THSD7B: variants seen among roughly 807,000 people sequenced by gnomAD.
THSD7B encodes the protein thrombospondin type 1 domain containing 7B.
Under a neutral mutation model 213.6 loss-of-function variants are expected in THSD7B, and 138 were observed. That is an observed-to-expected ratio of 0.65 (90% CI 0.56 to 0.74). The LOEUF (loss-of-function observed/expected upper bound fraction) is 0.74, where lower values mean the gene tolerates loss of function less well. Ranked by LOEUF, THSD7B falls within the 30% of genes least tolerant of loss-of-function variation. THSD7B has a pLI of 0.00. For synonymous variants in THSD7B, 742 were observed against 687.0 expected (o/e 1.08, Z -1.25); for missense variants, 1,931 against 1,991.5 (o/e 0.97, Z 0.58).
At chr2:137,575,441 A>G (rs926706490) in intron 17 of THSD7B, among the ~76,000 whole-genome samples, 2 of 152,078 alleles carry the variant, frequency 1.3e-5, no homozygotes, top group African/African-American at 4.8e-5. Context: ...AACATGACTT[A>G]TATCTAATTT....
In THSD7B at chr2:137,519,269, A is replaced by C. The variant is rs570766692; in HGVS notation, c.3139-43952A>C. On this transcript the variant is annotated intron_variant, in intron 15 of 27. Coordinates refer to ENST00000409968, the MANE Select transcript of THSD7B (RefSeq NM_001316349.2). ...CCATCTCAAAATAAATAAATAAATAAATAAATAGAAAAAGGAAAAGGCCAT... is the reference window on the plus strand; with the variant it reads ...CCATCTCAAAATAAATAAATAAATACATAAATAGAAAAAGGAAAAGGCCAT... Among the ~76,000 whole-genome samples the C allele has an allele frequency of 2.6e-5, 4 of 152,166 alleles. No individual in the cohort carries two copies. In the East Asian group the frequency reaches 7.7e-4, roughly 29 times the overall value.
chr2:137,618,522 T>G lies in THSD7B; in HGVS notation c.3681+15T>G. ...AATGTGAGCAGGTACTGTGTTTATA[T>G]TCATATCTCACATCCAAGGCTTTGT... On this transcript the variant is annotated intron_variant, in intron 19 of 27. Coordinates refer to ENST00000409968, the MANE Select transcript of THSD7B (RefSeq NM_001316349.2). 6.2e-7 allele frequency: 1 copy of G among 1,609,164 alleles called. No homozygotes were observed. Among genetic ancestry groups the G allele is most frequent in the Non-Finnish European group, 8.5e-7 (1 of 1,176,416 alleles).
In THSD7B at chr2:137,492,020, C is replaced by T. The variant is rs1679421907; in HGVS notation, c.3138+40997C>T. 2.0e-5 allele frequency among the ~76,000 whole-genome samples: 3 copies of T among 151,676 alleles called. No homozygotes were observed. In the South Asian group the frequency reaches 6.2e-4, roughly 32 times the overall value. On this transcript the variant is annotated intron_variant, in intron 15 of 27. Transcript: ENST00000409968. The stretch of plus-strand genomic sequence containing the variant: ...ACTACTAATCTGGTTTTGGTTTGAG[C>T]TAATCTTTGCATCTCAATAAGGAAT...
chr2:137,448,840 A>AAAAAAC (rs1356322831), intron 14 of THSD7B, among the ~76,000 whole-genome samples: 99 of 151,462 alleles, frequency 6.5e-4, no homozygotes, highest in Non-Finnish European at 1.0e-4. Context: ...CAACAACAAA[A>AAAAAAC]ACTACCCTTT....
chr2:137,343,944 G>A (rs1268092582), intron 12 of THSD7B, among the ~76,000 whole-genome samples: 1 of 151,706 alleles, frequency 6.6e-6, no homozygotes, highest in Non-Finnish European at 1.5e-5. Context: ...AAATACACAT[G>A]TTGAGTTCTT....
chr2:137,454,392 A>G (rs772706188), intron 15 of THSD7B, among the ~76,000 whole-genome samples: 12 of 115,046 alleles, frequency 1.0e-4, no homozygotes, highest in African/African-American at 3.3e-4. Context: ...GAGCCATTCT[A>G]TCTGTCTGTC....
intron 26 of THSD7B, among the ~76,000 whole-genome samples, chr2:137,666,389 A>C (rs565804324): frequency 2.7e-4 from 41 of 152,232 alleles, no homozygotes; most frequent in South Asian, 1.2e-3. Context: ...AGAAAAATAC[A>C]ATTACTACAT....
intron 1 of THSD7B, among the ~76,000 whole-genome samples, chr2:136,795,915 A>G (rs1024438085): frequency 1.3e-5 from 2 of 151,854 alleles, no homozygotes; most frequent in African/African-American, 2.4e-5. Flanking sequence ...AAGTCCTTGG[A>G]TGTTAACTCT....
intron 2 of THSD7B, among the ~76,000 whole-genome samples, chr2:137,054,524 G>A (rs1187515790): frequency 6.6e-6 from 1 of 152,118 alleles, no homozygotes; most frequent in African/African-American, 2.4e-5. Context: ...TGCTTCTCTG[G>A]GGATGTATAT....
At chr2:137,262,318 G>C (rs554956077) in intron 10 of THSD7B, among the ~76,000 whole-genome samples, 1 of 151,914 alleles carries the variant, frequency 6.6e-6, no homozygotes, top group African/African-American at 2.4e-5. Context: ...CTCAAAACCT[G>C]TCTGTATCCC....
chr2:137,358,525 T>C (rs1685184084), intron 12 of THSD7B, among the ~76,000 whole-genome samples: 1 of 152,220 alleles, frequency 6.6e-6, no homozygotes, highest in South Asian at 2.1e-4. Flanking sequence ...TAACAAAATA[T>C]CTTAAAAATA....
intron 2 of THSD7B, among the ~76,000 whole-genome samples, chr2:136,914,609 T>A (rs1174726762): frequency 1.3e-5 from 2 of 152,204 alleles, no homozygotes; most frequent in Non-Finnish European, 2.9e-5. Context: ...TGATAGTGAA[T>A]AAGTCTCATG....
In THSD7B at chr2:137,639,094, C is replaced by A. The variant is rs368555609; in HGVS notation, c.3800-3394C>A. On this transcript the variant is annotated intron_variant, in intron 20 of 27. Coordinates refer to ENST00000409968, the MANE Select transcript of THSD7B (RefSeq NM_001316349.2). Reference sequence around the variant, plus strand: ...GGACTCTAATGCTAATCCCCAAGACCAAGGGGAAAATGTCTCCAGGGCATG... The same window carrying A: ...GGACTCTAATGCTAATCCCCAAGACAAAGGGGAAAATGTCTCCAGGGCATG... Among the ~76,000 whole-genome samples, 12 of 151,808 alleles carry A rather than the reference C, an allele frequency of 7.9e-5. No homozygotes were observed. The South Asian group carries it at 8.3e-4, about 11-fold the overall frequency.
At chr2:137,275,551 T>G (rs1363267487) in intron 11 of THSD7B, among the ~76,000 whole-genome samples, 1 of 151,690 alleles carries the variant, frequency 6.6e-6, no homozygotes, top group Non-Finnish European at 1.5e-5. Context: ...TTTTTTTTTT[T>G]GGAAACAATT....
At chr2:137,583,869 G>C (rs997766412) in intron 17 of THSD7B, among the ~76,000 whole-genome samples, 1 of 152,104 alleles carries the variant, frequency 6.6e-6, no homozygotes, top group Non-Finnish European at 1.5e-5. Context: ...TTCCAATTCT[G>C]TGAAGAAAGT....
chr2:137,549,697 C>T (rs895933095), intron 15 of THSD7B, among the ~76,000 whole-genome samples: 2 of 152,030 alleles, frequency 1.3e-5, no homozygotes, highest in South Asian at 2.1e-4. Flanking sequence ...TTCCCTGACC[C>T]GCCAGCCCCT....
At chr2:137,674,773 G>A (rs1265256451) in intron 27 of THSD7B, among the ~76,000 whole-genome samples, 2 of 152,140 alleles carry the variant, frequency 1.3e-5, no homozygotes. Flanking sequence ...AGCCATCTCT[G>A]CCCAGCACTC....
intron 5 of THSD7B, among the ~76,000 whole-genome samples, chr2:137,143,119 C>A (rs1299497339): frequency 6.6e-6 from 1 of 152,120 alleles, no homozygotes; most frequent in African/African-American, 2.4e-5. Context: ...ACAGAGAAGG[C>A]ATTGCATAAT....
chr2:137,115,330 G>C, intron 5 of THSD7B, 37 bp downstream of exon 5: 1 of 1,461,786 alleles, frequency 6.8e-7, no homozygotes, highest in Admixed American at 2.7e-5. Context: ...GTGCACTGCT[G>C]GTTGGAAGGA....
Sources: allele counts gnomAD v4.1 joint callset (sites outside exome capture counted in the v4.1 genomes callset), GRCh38; gene constraint gnomAD v4.1.1; transcripts MANE v1.5; gene names NCBI Gene and HGNC (gene_info 2026-07-23, HGNC 2026-07-21).